HS6ST3: variants seen among roughly 807,000 people sequenced by gnomAD.
HS6ST3 encodes heparan sulfate 6-O-sulfotransferase 3.
Under a neutral mutation model 36.7 loss-of-function variants are expected in HS6ST3, and 12 were observed. That is an observed-to-expected ratio of 0.33 (90% confidence interval 0.21 to 0.53). HS6ST3 has a LOEUF of 0.53. Ranked by LOEUF, HS6ST3 falls within the 20% of genes least tolerant of loss-of-function variation. HS6ST3 has a pLI of 0.95. For missense variants in HS6ST3, 584 were observed against 640.9 expected, an observed-to-expected ratio of 0.91 and a Z score of 0.96; for synonymous variants, 240 against 257.5, an observed-to-expected ratio of 0.93 and a Z score of 0.65.
At chr13:96,193,930 G>C (rs2054300309) in intron 1 of HS6ST3, among the ~76,000 whole-genome samples, 1 of 152,130 alleles carries the variant, frequency 6.6e-6, no homozygotes, top group Non-Finnish European at 1.5e-5. Context: ...ATTCCTTGAG[G>C]AACCCAGGAA....
rs56363761 is a variant in HS6ST3, at chr13:96,304,679, T to TTTTCTTTCTTTCTTTCTTTCTTTC, written c.707+213122_707+213145dup. Among the ~76,000 whole-genome samples the TTTTCTTTCTTTCTTTCTTTCTTTC allele has an allele frequency of 2.9e-3, 256 of 87,012 alleles. 10 individuals are homozygous for TTTTCTTTCTTTCTTTCTTTCTTTC. Among genetic ancestry groups the TTTTCTTTCTTTCTTTCTTTCTTTC allele is most frequent in the Middle Eastern group, 0.012 (2 of 162 alleles). 57.1% of individuals were successfully genotyped at this position (87,012 alleles called of 152,430 possible). ...CTACATGAGAATCACTGTTGCATGT[T>TTTTCTTTCTTTCTTTCTTTCTTTC]TTTCTTTCTTTCTTTCTTTCTTTCT... On this transcript the variant is annotated intron_variant, in intron 1 of 1. Coordinates refer to ENST00000376705, the MANE Select transcript of HS6ST3 (RefSeq NM_153456.4).
intron 1 of HS6ST3, among the ~76,000 whole-genome samples, chr13:96,153,668 C>T (rs2054097710): frequency 6.6e-6 from 1 of 152,096 alleles, no homozygotes; most frequent in Non-Finnish European, 1.5e-5. Flanking sequence ...ATATTATCTA[C>T]CTAAATGTGA....
At chr13:96,229,279 G>A (rs1037843973) in intron 1 of HS6ST3, among the ~76,000 whole-genome samples, 2 of 152,030 alleles carry the variant, frequency 1.3e-5, no homozygotes, top group African/African-American at 4.8e-5. Flanking sequence ...TTGGTCATTC[G>A]GTAATCACTA....
At chr13:96,222,396 A>C (rs1334797158) in intron 1 of HS6ST3, among the ~76,000 whole-genome samples, 1 of 152,230 alleles carries the variant, frequency 6.6e-6, no homozygotes. Context: ...CCTGGGCTGA[A>C]GATTAATACC....
chr13:96,327,669 T>C (rs1411546210), intron 1 of HS6ST3, among the ~76,000 whole-genome samples: 5 of 151,796 alleles, frequency 3.3e-5, no homozygotes, highest in Non-Finnish European at 7.4e-5. Context: ...GCGGGCTCTT[T>C]TTTGGTTCCA....
chr13:96,550,378 G>A (rs1398714194), intron 1 of HS6ST3, among the ~76,000 whole-genome samples: 1 of 152,144 alleles, frequency 6.6e-6, no homozygotes, highest in Non-Finnish European at 1.5e-5. Context: ...GCTTCCTGAG[G>A]CCTCACCAGA....
At chr13:96,653,385 G>T (rs1371925597) in intron 1 of HS6ST3, among the ~76,000 whole-genome samples, 1 of 151,974 alleles carries the variant, frequency 6.6e-6, no homozygotes, top group Non-Finnish European at 1.5e-5. Context: ...ACAAGCCCTG[G>T]TGTGTGTTGT....
chr13:96,656,438 T>C (rs930315082), intron 1 of HS6ST3, among the ~76,000 whole-genome samples: 29 of 152,306 alleles, frequency 1.9e-4, no homozygotes, highest in African/African-American at 6.0e-4. Flanking sequence ...TATTAGATAG[T>C]AAACTCATGT....
chr13:96,409,938 GA>G (rs1371027788), intron 1 of HS6ST3, among the ~76,000 whole-genome samples: 2 of 152,066 alleles, frequency 1.3e-5, no homozygotes, highest in African/African-American at 2.4e-5. Context: ...ATTTTAGTGG[GA>G]AAAAAGTTAT....
At chr13:96,285,226 T>C (rs2054796122) in intron 1 of HS6ST3, among the ~76,000 whole-genome samples, 1 of 152,202 alleles carries the variant, frequency 6.6e-6, no homozygotes, top group Non-Finnish European at 1.5e-5. Context: ...CTCTGACATG[T>C]TGATGATTTA....
At chr13:96,385,479 A>G (rs2055363010) in intron 1 of HS6ST3, among the ~76,000 whole-genome samples, 1 of 152,172 alleles carries the variant, frequency 6.6e-6, no homozygotes, top group Non-Finnish European at 1.5e-5. Flanking sequence ...AAAAAGGTAG[A>G]TAAGTCCCTC....
intron 1 of HS6ST3, among the ~76,000 whole-genome samples, chr13:96,228,955 G>A (rs775157724): frequency 6.6e-6 from 1 of 152,072 alleles, no homozygotes; most frequent in Non-Finnish European, 1.5e-5. Flanking sequence ...GAGGAGAGCA[G>A]TGTGGATGGA....
chr13:96,165,387 T>C (rs1158394521), intron 1 of HS6ST3, among the ~76,000 whole-genome samples: 1 of 152,188 alleles, frequency 6.6e-6, no homozygotes, highest in African/African-American at 2.4e-5. Flanking sequence ...GGAGGACTCC[T>C]TAGTTTATGA....
chr13:96,131,961 C>G (rs2139312079), intron 1 of HS6ST3, among the ~76,000 whole-genome samples: 1 of 152,092 alleles, frequency 6.6e-6, no homozygotes, highest in African/African-American at 2.4e-5. Flanking sequence ...ACATTACACT[C>G]TGAGTTCAAT....
At position 96,313,819 on chromosome 13, in the gene HS6ST3, C is replaced by T. The variant is rs149202429; in HGVS notation, c.707+222250C>T. Among the ~76,000 whole-genome samples the T allele has an allele frequency of 2.6e-4, 40 of 152,232 alleles. No individual in the cohort carries two copies. The East Asian group carries it at 6.6e-3, about 25-fold the overall frequency. ...AAGTTAGTATATTCTTGTTCTGACC[C>T]GCACAGGTGTCTGTGTGAGTCTCCT... On this transcript the variant is annotated intron_variant, in intron 1 of 1. Transcript: ENST00000376705.
chr13:96,350,964 A>G (rs2055178772), intron 1 of HS6ST3, among the ~76,000 whole-genome samples: 1 of 152,226 alleles, frequency 6.6e-6, no homozygotes, highest in African/African-American at 2.4e-5. Context: ...GAAAGTTATT[A>G]AAAGGAAAAT....
chr13:96,324,416 G>A (rs1170188194), intron 1 of HS6ST3, among the ~76,000 whole-genome samples: 4 of 152,140 alleles, frequency 2.6e-5, no homozygotes, highest in African/African-American at 9.7e-5. Flanking sequence ...TCTGCTGTTA[G>A]GGCAGATAAG....
At chr13:96,223,730 GAAGA>G (rs2054467079) in intron 1 of HS6ST3, among the ~76,000 whole-genome samples, 1 of 152,080 alleles carries the variant, frequency 6.6e-6, no homozygotes, top group Admixed American at 6.6e-5. Context: ...GATGGTAGAA[GAAGA>G]AAGAAGATTG....
chr13:96,545,995 T>C (rs1313456907), intron 1 of HS6ST3, among the ~76,000 whole-genome samples: 1 of 152,258 alleles, frequency 6.6e-6, no homozygotes, highest in South Asian at 2.1e-4. Flanking sequence ...AAGAAATATT[T>C]GTTGAATTTG....
Sources: allele counts gnomAD v4.1 joint callset (sites outside exome capture counted in the v4.1 genomes callset), GRCh38; gene constraint gnomAD v4.1.1; transcripts MANE v1.5; gene names NCBI Gene and HGNC (gene_info 2026-07-23, HGNC 2026-07-21).